Variants in CNBD1 observed in about 807,000 individuals in gnomAD.
CNBD1 encodes the protein cyclic nucleotide binding domain containing 1.
In CNBD1, 71 loss-of-function variants were observed where a neutral mutation model predicts 54.4. That is an observed-to-expected ratio of 1.30 (90% CI 1.08 to 1.59). CNBD1 has a LOEUF of 1.59. Ranked by LOEUF, CNBD1 falls within the 40% of genes most tolerant of loss-of-function variation. The pLI, the probability that CNBD1 is intolerant of heterozygous loss-of-function variation, is 0.00. For synonymous variants in CNBD1, 182 were observed against 170.7 expected, an observed-to-expected ratio of 1.07 and a Z score of -0.51; for missense variants, 659 against 518.0, an observed-to-expected ratio of 1.27 and a Z score of -2.64.
At chr8:87,285,979 T>C (rs1470602347) in intron 7 of CNBD1, among the ~76,000 whole-genome samples, 1 of 152,236 alleles carries the variant, frequency 6.6e-6, no homozygotes, top group East Asian at 1.9e-4. Flanking sequence ...TGCAGAAAGC[T>C]GGCATAAGCC....
chr8:87,042,797 ATGG>A (rs1447701600), intron 4 of CNBD1, among the ~76,000 whole-genome samples: 1 of 152,080 alleles, frequency 6.6e-6, no homozygotes, highest in African/African-American at 2.4e-5. Flanking sequence ...TATGTAAAAT[ATGG>A]TAGATTGTAT....
chr8:87,205,134 T>C (rs1813944058), intron 4 of CNBD1, among the ~76,000 whole-genome samples: 1 of 152,140 alleles, frequency 6.6e-6, no homozygotes, highest in Non-Finnish European at 1.5e-5. Context: ...GTATCTGAAA[T>C]TCCCTTTATG....
intron 4 of CNBD1, among the ~76,000 whole-genome samples, chr8:87,051,969 G>A (rs1810319810): frequency 6.6e-6 from 1 of 152,140 alleles, no homozygotes; most frequent in South Asian, 2.1e-4. Context: ...ATGCCTCCAG[G>A]GACAGTCCAA....
intron 8 of CNBD1, among the ~76,000 whole-genome samples, chr8:87,348,223 T>A (rs1193458383): frequency 1.3e-5 from 2 of 152,198 alleles, no homozygotes; most frequent in African/African-American, 4.8e-5. Flanking sequence ...GATGCACTTA[T>A]CTTTAAGAAT....
intron 4 of CNBD1, among the ~76,000 whole-genome samples, chr8:87,060,533 A>T (rs1810519698): frequency 6.6e-6 from 1 of 152,158 alleles, no homozygotes; most frequent in Non-Finnish European, 1.5e-5. Context: ...CCTTTTCTCC[A>T]TTTGGGAATC....
intron 4 of CNBD1, among the ~76,000 whole-genome samples, chr8:87,079,530 A>C (rs1810944547): frequency 6.6e-6 from 1 of 152,270 alleles, no homozygotes; most frequent in Admixed American, 6.5e-5. Context: ...GTGTAGTAGC[A>C]TCACATTAAA....
chr8:87,343,443 C>T (rs1810108622), intron 8 of CNBD1, among the ~76,000 whole-genome samples: 1 of 152,198 alleles, frequency 6.6e-6, no homozygotes, highest in Admixed American at 6.5e-5. Flanking sequence ...TAATAAATGT[C>T]CATGAAATCT....
intron 3 of CNBD1, among the ~76,000 whole-genome samples, chr8:86,925,817 G>A (rs905238407): frequency 3.3e-5 from 5 of 151,810 alleles, no homozygotes; most frequent in Non-Finnish European, 5.9e-5. Context: ...TGGTGGGTTC[G>A]TAGTCTCGCT....
chr8:87,014,914 T>C (rs1040903952), intron 4 of CNBD1, among the ~76,000 whole-genome samples: 9 of 152,060 alleles, frequency 5.9e-5, no homozygotes, highest in Admixed American at 2.6e-4. Context: ...GTATGGTGAA[T>C]TTTTGCCCTA....
In CNBD1 at chr8:87,182,169, A is replaced by G. The variant is rs774744714; in HGVS notation, c.432-23824A>G. On this transcript the variant is annotated intron_variant, in intron 4 of 10. Coordinates refer to ENST00000518476, the MANE Select transcript of CNBD1 (RefSeq NM_173538.3). The surrounding 1 kb of genome is among the most constrained non-coding windows in gnomAD (Gnocchi z 4.1). ...GTATTTGGATTTCTGATCCTATGTT[A>G]GTTCACTTAGGATAATGGCCTTCAC... 3.9e-5 allele frequency among the ~76,000 whole-genome samples: 6 copies of G among 152,132 alleles called. No homozygotes were observed. Among genetic ancestry groups the G allele is most frequent in the Non-Finnish European group, 7.4e-5 (5 of 68,018 alleles).
chr8:87,379,632 A>C (rs971779826), intron 10 of CNBD1, among the ~76,000 whole-genome samples: 6 of 152,058 alleles, frequency 3.9e-5, no homozygotes, highest in African/African-American at 1.2e-4. Context: ...AAACATTAGC[A>C]AATAATGTAA....
intron 2 of CNBD1, among the ~76,000 whole-genome samples, chr8:87,417,263 C>G (rs1012833892): frequency 6.6e-6 from 1 of 151,906 alleles, no homozygotes; most frequent in African/African-American, 2.4e-5. Context: ...ATAAAACCAT[C>G]AGATCTCATG....
chr8:87,423,454 G>C (rs907251253), intron 2 of CNBD1, among the ~76,000 whole-genome samples: 1 of 151,768 alleles, frequency 6.6e-6, no homozygotes, highest in Non-Finnish European at 1.5e-5. Flanking sequence ...TGTCCCATCA[G>C]TACCTACTTT....
intron 6 of CNBD1, among the ~76,000 whole-genome samples, chr8:87,278,593 G>A (rs7816463): frequency 0.28 from 42,630 of 151,192 alleles, 6,465 homozygotes; most frequent in African/African-American, 0.39. Flanking sequence ...GCAAAATAAC[G>A]TTGTATTCAG....
intron 8 of CNBD1, among the ~76,000 whole-genome samples, chr8:87,342,690 C>T (rs532407101): frequency 5.5e-4 from 84 of 152,092 alleles, no homozygotes; most frequent in African/African-American, 1.8e-3. Context: ...ATGGCGACCT[C>T]GAGCTACAAA....
chr8:86,868,951 G>A (rs1238378756), intron 1 of CNBD1, among the ~76,000 whole-genome samples: 1 of 151,840 alleles, frequency 6.6e-6, no homozygotes, highest in Non-Finnish European at 1.5e-5. Flanking sequence ...AGGCGAGAGA[G>A]TCAGAATGAT....
At chr8:87,361,404 TAAAAA>T (rs1351705283) in intron 10 of CNBD1, among the ~76,000 whole-genome samples, 1 of 151,348 alleles carries the variant, frequency 6.6e-6, no homozygotes, top group African/African-American at 2.4e-5. Context: ...GAAGTGAAAA[TAAAAA>T]GAACAGAGGA....
At chr8:87,230,375 A>C (rs1814652809) in intron 5 of CNBD1, among the ~76,000 whole-genome samples, 1 of 152,216 alleles carries the variant, frequency 6.6e-6, no homozygotes, top group Non-Finnish European at 1.5e-5. Context: ...TATAAAATCT[A>C]TAAAACTAAC....
At chr8:87,035,385 G>A (rs1179068543) in intron 4 of CNBD1, among the ~76,000 whole-genome samples, 2 of 152,130 alleles carry the variant, frequency 1.3e-5, no homozygotes, top group East Asian at 1.9e-4. Flanking sequence ...CCCCAGTGAT[G>A]TTAGCCTCAT....
Sources: allele counts gnomAD v4.1 joint callset (sites outside exome capture counted in the v4.1 genomes callset), GRCh38; gene constraint gnomAD v4.1.1; non-coding constraint Gnocchi (gnomAD v3.1); transcripts MANE v1.5; gene names NCBI Gene and HGNC (gene_info 2026-07-23, HGNC 2026-07-21).